Variants in NNMT observed in about 807,000 individuals in gnomAD.
NNMT encodes nicotinamide N-methyltransferase.
A neutral mutation model predicts 11.7 loss-of-function variants in NNMT; 10 were observed. The ratio of observed to expected loss-of-function variants is 0.85; its 90% CI spans 0.53 to 1.45. The LOEUF (loss-of-function observed/expected upper bound fraction) is 1.45. Among genes scored for constraint, NNMT ranks in the 40% most tolerant of loss-of-function variants. NNMT has a pLI of 0.00. For synonymous variants in NNMT, 143 were observed against 133.8 expected (o/e 1.07, Z -0.48); for missense variants, 381 against 319.4 (o/e 1.19, Z -1.47).
chr11:114,286,282 T>G (rs1030564504), intron 2 of NNMT, among the ~76,000 whole-genome samples: 3 of 152,192 alleles, frequency 2.0e-5, no homozygotes, highest in Admixed American at 6.5e-5. Flanking sequence ...GTGAGATGCA[T>G]CTACAGAAAA....
chr11:114,263,656 C>A (rs937893709), intron 2 of NNMT, among the ~76,000 whole-genome samples: 1 of 152,204 alleles, frequency 6.6e-6, no homozygotes, highest in Non-Finnish European at 1.5e-5. Context: ...TCGCTCCCTC[C>A]CCTGTATGCC....
intron 2 of NNMT, among the ~76,000 whole-genome samples, chr11:114,276,540 A>G (rs1945214845): frequency 6.6e-6 from 1 of 152,176 alleles, no homozygotes; most frequent in African/African-American, 2.4e-5. Flanking sequence ...ATTATACATG[A>G]TTGCCAGGTA....
rs573049357 is a variant in NNMT at position 114,290,009 on chromosome 11, G to A, written c.-129-6419G>A. On this transcript the variant is annotated intron_variant, in intron 2 of 4. Transcript: ENST00000535401. ...CCTCATGTGGTGAAAGGGTGAATGA[G>A]CTCTCTCGGGCCTATTTCATAAGGG... Among the ~76,000 whole-genome samples, 7 of 152,268 alleles carry A rather than the reference G, an allele frequency of 4.6e-5. No homozygotes were observed. In the East Asian group the frequency reaches 1.4e-3, roughly 29 times the overall value.
chr11:114,275,481 G>A (rs1432841854), intron 2 of NNMT, among the ~76,000 whole-genome samples: 2 of 152,224 alleles, frequency 1.3e-5, no homozygotes, highest in African/African-American at 4.8e-5. Flanking sequence ...GAGACAGCCG[G>A]CAAGTGGAAA....
chr11:114,283,116 T>A (rs574413119), intron 2 of NNMT, among the ~76,000 whole-genome samples: 2 of 152,126 alleles, frequency 1.3e-5, no homozygotes, highest in African/African-American at 4.8e-5. Flanking sequence ...ATCTGGTGGT[T>A]CTTACTCAAA....
At chr11:114,273,940 G>A (rs1171781377) in intron 2 of NNMT, among the ~76,000 whole-genome samples, 1 of 152,208 alleles carries the variant, frequency 6.6e-6, no homozygotes. Context: ...CCTCATGAAT[G>A]TGACCAGTTA....
intron 2 of NNMT, among the ~76,000 whole-genome samples, chr11:114,279,894 C>A (rs1269402783): frequency 2.6e-5 from 4 of 152,078 alleles, no homozygotes; most frequent in African/African-American, 9.7e-5. Flanking sequence ...GGTAACATGT[C>A]CACACTGACT....
intron 2 of NNMT, among the ~76,000 whole-genome samples, chr11:114,279,559 T>C (rs893007884): frequency 6.6e-6 from 1 of 152,196 alleles, no homozygotes; most frequent in African/African-American, 2.4e-5. Flanking sequence ...AGGCTGAGTG[T>C]TAACCCCATC....
At chr11:114,302,381 T>C (rs1945446948) in intron 2 of NNMT, among the ~76,000 whole-genome samples, 1 of 152,144 alleles carries the variant, frequency 6.6e-6, no homozygotes, top group Non-Finnish European at 1.5e-5. Context: ...TTTCTAGGAA[T>C]TGCAATATGC....
upstream of NNMT, among the ~76,000 whole-genome samples, chr11:114,292,806 T>G (rs1304256722): frequency 5.9e-5 from 9 of 151,898 alleles, no homozygotes; most frequent in Admixed American, 5.9e-4. Context: ...AATGATGGAG[T>G]GAGGGGAAAT....
At chr11:114,271,654 C>G (rs191211536) in intron 2 of NNMT, among the ~76,000 whole-genome samples, 1 of 152,262 alleles carries the variant, frequency 6.6e-6, no homozygotes, top group Non-Finnish European at 1.5e-5. Flanking sequence ...TCCTCTAAAC[C>G]TGTTCTTCTT....
chr11:114,284,918 T>C (rs1014522472), intron 2 of NNMT, among the ~76,000 whole-genome samples: 3 of 151,860 alleles, frequency 2.0e-5, no homozygotes, highest in Admixed American at 1.3e-4. Flanking sequence ...TACAGGTGCA[T>C]ACCACCATGA....
At chr11:114,264,041 T>C (rs947918222) in intron 2 of NNMT, among the ~76,000 whole-genome samples, 2 of 152,196 alleles carry the variant, frequency 1.3e-5, no homozygotes, top group Non-Finnish European at 2.9e-5. Context: ...GGACTATGTG[T>C]CCATCCTCTT....
intron 1 of NNMT, among the ~76,000 whole-genome samples, chr11:114,262,181 T>C (rs1423868659): frequency 6.6e-6 from 1 of 152,190 alleles, no homozygotes; most frequent in South Asian, 2.1e-4. Context: ...CTGCCCTTTT[T>C]AAATTTTATT....
intron 1 of NNMT, among the ~76,000 whole-genome samples, chr11:114,259,350 G>T (rs934083613): frequency 4.0e-5 from 6 of 150,214 alleles, no homozygotes; most frequent in East Asian, 2.0e-4. Flanking sequence ...GGCCCAGTGG[G>T]GGGGGGGGAG....
chr11:114,263,626 C>T lies in NNMT; in HGVS notation c.-130+692C>T, dbSNP rs577637034. On this transcript the variant is annotated intron_variant, in intron 2 of 4. Transcript: ENST00000535401. Reference sequence around the variant, plus strand: ...ACCACCTGGCAGATAACGCACAAACCACGTAGACCCCACACCTGCTCGCTC... The same window carrying T: ...ACCACCTGGCAGATAACGCACAAACTACGTAGACCCCACACCTGCTCGCTC... 1.2e-4 allele frequency among the ~76,000 whole-genome samples: 18 copies of T among 152,322 alleles called. 1 individual carries two copies. The South Asian group carries it at 3.7e-3, about 32-fold the overall frequency.
intron 2 of NNMT, among the ~76,000 whole-genome samples, chr11:114,285,700 G>A (rs931779032): frequency 6.6e-5 from 10 of 152,290 alleles, no homozygotes; most frequent in Admixed American, 2.0e-4. Context: ...GGCGACTCAC[G>A]CCTGCCACAA....
At chr11:114,291,793 C>G (rs1319621787), upstream of NNMT, among the ~76,000 whole-genome samples, 1 of 152,166 alleles carries the variant, frequency 6.6e-6, no homozygotes, top group Non-Finnish European at 1.5e-5. Flanking sequence ...ACCTCTGTTA[C>G]ACTCCAGAGT....
intron 2 of NNMT, among the ~76,000 whole-genome samples, chr11:114,264,950 C>T (rs1945108978): frequency 6.6e-6 from 1 of 152,206 alleles, no homozygotes. Context: ...CTCTCTGAAC[C>T]CTGTCCTTTT....
Sources: allele counts gnomAD v4.1 joint callset (sites outside exome capture counted in the v4.1 genomes callset), GRCh38; gene constraint gnomAD v4.1.1; transcripts MANE v1.5; gene names NCBI Gene and HGNC (gene_info 2026-07-23, HGNC 2026-07-21).